Variants in DNMT1 observed in about 807,000 individuals in gnomAD.
DNMT1 encodes the protein DNA methyltransferase 1, also known as DNA (cytosine-5)-methyltransferase 1.
Under a neutral mutation model 205.3 loss-of-function variants are expected in DNMT1, and 24 were observed. That is an observed-to-expected ratio of 0.12 (90% confidence interval 0.08 to 0.16). DNMT1 has a LOEUF of 0.16. Ranked by LOEUF, DNMT1 falls within the 10% of genes least tolerant of loss-of-function variation. The probability of loss-of-function intolerance (pLI) is 1.00; values close to 1 mark genes in which losing one functional copy is unlikely to be tolerated. For synonymous variants in DNMT1, 817 were observed against 839.8 expected (o/e 0.97, Z 0.47); for missense variants, 1,293 against 2,177.7 (o/e 0.59, Z 8.09).
chr19:10,146,630 A>T lies in DNMT1; in HGVS notation c.2721-106T>A. 2.1e-6 allele frequency: 3 copies of T among 1,448,300 alleles called. No individual in the cohort carries two copies. Among genetic ancestry groups the T allele is most frequent in the Non-Finnish European group, 1.9e-6 (2 of 1,055,892 alleles). The allele number at this position is 1,448,300 out of a possible 1,614,324, so 89.7% of individuals were successfully genotyped here. A position where few individuals can be genotyped will look rare whatever the true frequency, so the allele number is the denominator to read the frequency against. ...GAGACTCTGGTAACCAAGAGGAAAA[A>T]ACATTTGCAGATGCTAGAAGGAAGA... On this transcript the variant is annotated intron_variant, in intron 27 of 40. Transcript: ENST00000359526. This position sits in a 1 kb window ranked among gnomAD's most constrained non-coding sequence, Gnocchi z 4.4.
At chr19:10,170,465 CCT>C (rs950014394) in intron 9 of DNMT1, among the ~76,000 whole-genome samples, 11 of 151,936 alleles carry the variant, frequency 7.2e-5, no homozygotes, top group East Asian at 1.9e-4. Context: ...ATGGTGAACC[CCT>C]GTCTCTACTA....
intron 8 of DNMT1, 29 bp downstream of exon 8, chr19:10,173,842 A>C: frequency 1.2e-6 from 2 of 1,612,908 alleles, no homozygotes; most frequent in South Asian, 1.1e-5. Context: ...CTCGTAGAAC[A>C]AAAAGAAAGG....
rs201497993 is a variant in DNMT1 at position 10,140,196 on chromosome 19, G to A, written c.3656C>T (p.Thr1219Ile). The change falls in exon 33 of 41, where the codon ACC becomes ATC. Residue 1219 changes from threonine (T) to isoleucine (I), a missense_variant. Physicochemically the swap from Thr to Ile is moderately conservative, Grantham distance 89. This residue lies in a region of DNMT1 where 24 missense variants were observed against 27.2 expected (regional missense o/e 0.88). Transcript: ENST00000359526. The surrounding 1 kb of genome is among the most constrained non-coding windows in gnomAD (Gnocchi z 8.4). ...ILLKLVMAGE[T>I]TNSRGQRLPQ... ...CAGCCGCTGGCCGCGGGAGTTGGTG[G>A]TCTCCCCAGCCATGACCAGCTTCAG... 4.3e-6 allele frequency: 7 copies of A among 1,614,000 alleles called. No homozygotes were observed. The highest frequency in any genetic ancestry group is 5.9e-6 in the Non-Finnish European group (7 of 1,180,036).
rs1331424954 is a variant in DNMT1, at chr19:10,135,738, G to A, written c.4771C>T (p.Gln1591Ter). Residue 1591 changes from glutamine (Q) to a stop codon, truncating the protein, a stop_gained and splice_region_variant, in exon 39 of 41, where the codon CAG (glutamine) becomes TAG (stop). Transcript: ENST00000359526. LOFTEE classifies it high-confidence loss of function. Reference protein sequence around the residue: ...LFGNILDKHRQVGNAVPPPLA... With the variant: ...LFGNILDKHR Reference sequence around the variant, plus strand: ...CCAGCGGGCGCCGCCCCACTGACCTGCCGGTGCTTGTCCAGGATGTTGCCG... The same window carrying A: ...CCAGCGGGCGCCGCCCCACTGACCTACCGGTGCTTGTCCAGGATGTTGCCG... 6.2e-7 allele frequency: 1 copy of A among 1,606,876 alleles called. No individual in the cohort carries two copies. Among genetic ancestry groups the A allele is most frequent in the African/African-American group, 1.3e-5 (1 of 75,000 alleles).
intron 1 of DNMT1, among the ~76,000 whole-genome samples, chr19:10,186,838 C>CAAAAAAAAAAATAAAAAAAAAAA (rs2039193346): frequency 1.4e-5 from 1 of 70,712 alleles, no homozygotes; most frequent in African/African-American, 5.9e-5. Context: ...AACTCCGTCT[C>CAAAAAAAAAAATAAAAAAAAAAA]AAAAAAAAAA....
At chr19:10,190,147 T>C (rs2039271646) in intron 1 of DNMT1, among the ~76,000 whole-genome samples, 1 of 151,632 alleles carries the variant, frequency 6.6e-6, no homozygotes, top group African/African-American at 2.4e-5. Context: ...AGTTAAGGAG[T>C]TCAAGACCTA....
Position 10,137,813 on chromosome 19 carries a change from T to C in DNMT1, c.4293+19A>G. ...GGGCTGGGCCTCGAGGAGGAGCCGC[T>C]CTGTCAGGGTGCCATTACCTTACAG... On this transcript the variant is annotated intron_variant, in intron 36 of 40. Transcript: ENST00000359526. This position sits in a 1 kb window ranked among gnomAD's most constrained non-coding sequence, Gnocchi z 6.4. 1 of 1,610,872 alleles carries C rather than the reference T, an allele frequency of 6.2e-7. No individual in the cohort carries two copies. The highest frequency in any genetic ancestry group is 2.2e-5 in the East Asian group (1 of 44,812).
intron 37 of DNMT1, among the ~76,000 whole-genome samples, chr19:10,136,733 A>T (rs1599340690): frequency 6.9e-6 from 1 of 145,782 alleles, no homozygotes; most frequent in African/African-American, 2.5e-5. Context: ...ATCGTGCCTG[A>T]CCTGCTTTTA....
rs1355566145 is a variant in DNMT1 at position 10,175,548 on chromosome 19, TGTC to T, written c.637_639del (p.Asp213del). ...GAAAGCACTGGCCCTACCTGGTCTTTGTCTTCTTCCTTGATGGACTCATCCGAT... is the reference window on the plus strand; with the variant it reads ...GAAAGCACTGGCCCTACCTGGTCTTTTTCTTCCTTGATGGACTCATCCGAT... On this transcript the variant is annotated inframe_deletion, in exon 7 of 41. Transcript: ENST00000359526. 2.5e-6 allele frequency: 4 copies of T among 1,614,008 alleles called. No individual in the cohort carries two copies. Among genetic ancestry groups the T allele is most frequent in the African/African-American group, 1.3e-5 (1 of 74,926 alleles).
chr19:10,183,091 A>ACACG (rs2039108359), intron 1 of DNMT1, among the ~76,000 whole-genome samples: 2 of 146,972 alleles, frequency 1.4e-5, no homozygotes, highest in South Asian at 4.2e-4. Context: ...GTATATATAT[A>ACACG]TACACGTATA....
At chr19:10,182,586 CAG>C (rs762830658) in intron 1 of DNMT1, among the ~76,000 whole-genome samples, 9 of 149,020 alleles carry the variant, frequency 6.0e-5, no homozygotes, top group Admixed American at 3.4e-4. Context: ...AGCTCTGTAA[CAG>C]AGTATGTGTG....
chr19:10,158,142 C>A (rs1233874255), intron 17 of DNMT1, among the ~76,000 whole-genome samples: 2 of 152,212 alleles, frequency 1.3e-5, no homozygotes, highest in Non-Finnish European at 2.9e-5. Context: ...ACTCTGGCAG[C>A]CCCAGCCCCA....
Position 10,140,730 on chromosome 19 carries a change from GC to G in DNMT1, c.3523+50del. 1 of 1,613,650 alleles carries G rather than the reference GC, an allele frequency of 6.2e-7. No individual in the cohort carries two copies. On this transcript the variant is annotated intron_variant, in intron 32 of 40. Transcript: ENST00000359526. This position sits in a 1 kb window ranked among gnomAD's most constrained non-coding sequence, Gnocchi z 8.4. Reference sequence around the variant, plus strand: ...TTGGAAGTCGTTTCAGGTAGCACCTGCCCGGTCTGGGCTCACCAGGTATTCA... The same window carrying G: ...TTGGAAGTCGTTTCAGGTAGCACCTGCCGGTCTGGGCTCACCAGGTATTCA...
rs559293452 is a variant in DNMT1, at chr19:10,149,274, G to A, written c.2586+179C>T. Among the ~76,000 whole-genome samples the A allele has an allele frequency of 3.3e-5, 5 of 149,980 alleles. No individual in the cohort carries two copies. The South Asian group carries it at 6.3e-4, about 19-fold the overall frequency. Reference sequence around the variant, plus strand: ...CAGGAGGTGGAGGTTGCAGTGAGCTGAGATCATGCCATTGCACTCCAGCCT... The same window carrying A: ...CAGGAGGTGGAGGTTGCAGTGAGCTAAGATCATGCCATTGCACTCCAGCCT... On this transcript the variant is annotated intron_variant, in intron 26 of 40. Transcript: ENST00000359526.
At chr19:10,171,971 C>CGATCGCAGCCAAG (rs1399677963) in intron 9 of DNMT1, among the ~76,000 whole-genome samples, 1 of 151,082 alleles carries the variant, frequency 6.6e-6, no homozygotes, top group African/African-American at 2.4e-5. Flanking sequence ...CGCACCTCTG[C>CGATCGCAGCCAAG]ACTCCAGCCT....
chr19:10,162,963 GC>G, intron 12 of DNMT1: 5 of 526,040 alleles, frequency 9.5e-6, no homozygotes, highest in South Asian at 4.9e-5. Flanking sequence ...TCTAGAACAG[GC>G]TTTTTTTTTT....
intron 1 of DNMT1, among the ~76,000 whole-genome samples, chr19:10,190,871 G>C (rs1211564420): frequency 6.6e-6 from 1 of 152,092 alleles, no homozygotes; most frequent in Non-Finnish European, 1.5e-5. Context: ...CCAGCATTTT[G>C]GGAGGCTAAG....
chr19:10,172,221 G>A (rs1216680250), intron 9 of DNMT1, among the ~76,000 whole-genome samples: 1 of 151,216 alleles, frequency 6.6e-6, no homozygotes, highest in Non-Finnish European at 1.5e-5. Context: ...TTCAAGACCA[G>A]CCTGATCAAC....
In DNMT1 at chr19:10,133,956, GGAGT is replaced by G. The variant is rs2089425650; in HGVS notation, c.4864+257_4865-256del. ...CCTGCTGAGCCAAATTCACCGAGCAGGAGTGAGGGAAACGGCCCCAGGGCCAGCC... is the reference window on the plus strand; with the variant it reads ...CCTGCTGAGCCAAATTCACCGAGCAGGAGGGAAACGGCCCCAGGGCCAGCC... On this transcript the variant is annotated intron_variant, in intron 40 of 40. Transcript: ENST00000359526. This position sits in a 1 kb window ranked among gnomAD's most constrained non-coding sequence, Gnocchi z 4.1. Among the ~76,000 whole-genome samples the G allele has an allele frequency of 6.6e-6, 1 of 152,242 alleles. No individual in the cohort carries two copies. Among genetic ancestry groups the G allele is most frequent in the Non-Finnish European group, 1.5e-5 (1 of 68,042 alleles).
Sources: gnomAD v4.1 joint callset for allele counts (sites outside exome capture counted in the v4.1 genomes callset) on GRCh38, gnomAD v4.1.1 for gene constraint, gnomAD v4.1.1 regional missense constraint, Gnocchi (gnomAD v3.1) non-coding constraint, MANE v1.5 for transcripts, NCBI Gene and HGNC (gene_info 2026-07-23, HGNC 2026-07-21) for gene names.